TAB2: variants seen among roughly 807,000 people sequenced by gnomAD.
TAB2 encodes the protein TGF-beta activated kinase 1 (MAP3K7) binding protein 2, also known as TGF-beta-activated kinase 1 and MAP3K7-binding protein 2.
Under a neutral mutation model 65.0 loss-of-function variants are expected in TAB2, and 3 were observed. The observed-to-expected ratio is 0.05, with a 90% CI of 0.02 to 0.12. TAB2 has a LOEUF of 0.12. TAB2 is among the 10% of genes least tolerant of loss of function. The pLI, the probability that TAB2 is intolerant of heterozygous loss-of-function variation, is 1.00. For synonymous variants in TAB2, 298 were observed against 285.1 expected (o/e 1.05, Z -0.46); for missense variants, 623 against 840.3 (o/e 0.74, Z 3.20).
At chr6:149,273,187 T>C (rs1474844476) in intron 1 of TAB2, among the ~76,000 whole-genome samples, 1 of 152,150 alleles carries the variant, frequency 6.6e-6, no homozygotes, top group African/African-American at 2.4e-5. Context: ...AAAGCATTAT[T>C]CAGCCCAAAA....
intron 6 of TAB2, among the ~76,000 whole-genome samples, chr6:149,403,321 C>CATAT (rs1252306211): frequency 3.0e-5 from 2 of 65,664 alleles, no homozygotes; most frequent in African/African-American, 1.2e-4. Flanking sequence ...TATACACACA[C>CATAT]ATATATATAC....
intron 1 of TAB2, among the ~76,000 whole-genome samples, chr6:149,303,024 A>T (rs950161581): frequency 6.6e-6 from 1 of 152,228 alleles, no homozygotes; most frequent in African/African-American, 2.4e-5. Flanking sequence ...CTGCGCATGC[A>T]GGGGATCTAG....
chr6:149,241,199 T>A (rs1202242368), intron 1 of TAB2, among the ~76,000 whole-genome samples: 1 of 152,142 alleles, frequency 6.6e-6, no homozygotes, highest in Admixed American at 6.5e-5. Flanking sequence ...GAGGAATAAA[T>A]GACTATTGTT....
intron 1 of TAB2, among the ~76,000 whole-genome samples, chr6:149,254,004 AAG>A (rs1270174755): frequency 2.0e-4 from 29 of 148,230 alleles, no homozygotes; most frequent in African/African-American, 7.5e-4. Context: ...GAAAGAAAGA[AAG>A]AAAGAAAGAA....
At chr6:149,299,501 G>T (rs915790006) in intron 1 of TAB2, among the ~76,000 whole-genome samples, 1 of 152,320 alleles carries the variant, frequency 6.6e-6, no homozygotes, top group Non-Finnish European at 1.5e-5. Context: ...GAACCCAGGA[G>T]GGGGAGGCTG....
chr6:149,274,770 G>A (rs967882428), intron 1 of TAB2, among the ~76,000 whole-genome samples: 4 of 152,170 alleles, frequency 2.6e-5, no homozygotes, highest in Admixed American at 2.6e-4. Context: ...ATGCCAGAGT[G>A]GGGGCTGCAC....
At chr6:149,277,676 C>G (rs1389312051) in intron 1 of TAB2, among the ~76,000 whole-genome samples, 1 of 152,042 alleles carries the variant, frequency 6.6e-6, no homozygotes, top group African/African-American at 2.4e-5. Flanking sequence ...TTCAAAAAAT[C>G]AAATACATTT....
intron 1 of TAB2, among the ~76,000 whole-genome samples, chr6:149,326,271 C>CAAAAAAAAAAAAAAAAAA (rs59070515): frequency 8.0e-6 from 1 of 125,006 alleles, no homozygotes; most frequent in African/African-American, 3.0e-5. Flanking sequence ...GACCCCATCT[C>CAAAAAAAAAAAAAAAAAA]AAAAAAAAAA....
At chr6:149,249,172 A>ACG (rs1031490513) in intron 1 of TAB2, among the ~76,000 whole-genome samples, 12 of 7,816 alleles carry the variant, frequency 1.5e-3, no homozygotes, top group Middle Eastern at 0.045. Flanking sequence ...ACACACACGC[A>ACG]CACACACACA....
chr6:149,254,387 G>C (rs943863258), intron 1 of TAB2, among the ~76,000 whole-genome samples: 6 of 152,176 alleles, frequency 3.9e-5, no homozygotes, highest in African/African-American at 1.4e-4. Flanking sequence ...AAGCCAGTTT[G>C]AGTTAGCCTT....
At chr6:149,226,820 C>A (rs1338986208) in intron 1 of TAB2, among the ~76,000 whole-genome samples, 9 of 152,210 alleles carry the variant, frequency 5.9e-5, no homozygotes, top group African/African-American at 2.2e-4. Flanking sequence ...CTTAGAAAAG[C>A]AACATTCCAA....
chr6:149,400,872 T>G, intron 6 of TAB2: 2 of 622,016 alleles, frequency 3.2e-6, no homozygotes, highest in Non-Finnish European at 5.4e-6. Context: ...ACAAGCATAT[T>G]GCTTTTTTCT....
At chr6:149,237,459 G>A (rs1777515161) in intron 1 of TAB2, among the ~76,000 whole-genome samples, 1 of 152,180 alleles carries the variant, frequency 6.6e-6, no homozygotes, top group Non-Finnish European at 1.5e-5. Flanking sequence ...ATTGCACACA[G>A]GTGCACCATC....
At chr6:149,273,221 G>C (rs1778397143) in intron 1 of TAB2, among the ~76,000 whole-genome samples, 1 of 152,120 alleles carries the variant, frequency 6.6e-6, no homozygotes, top group Non-Finnish European at 1.5e-5. Flanking sequence ...CTCAATATTA[G>C]AGGTACATAG....
intron 1 of TAB2, among the ~76,000 whole-genome samples, chr6:149,222,456 A>G (rs963423350): frequency 2.3e-4 from 35 of 152,046 alleles, no homozygotes; most frequent in African/African-American, 8.4e-4. Flanking sequence ...TGTCCCTACT[A>G]AAAATATAAA....
Position 149,410,583 on chromosome 6 carries a change from A to G in TAB2, c.*864A>G, listed in dbSNP as rs1409495527. 1 of 152,666 alleles carries G rather than the reference A, an allele frequency of 6.6e-6. No homozygotes were observed. The allele number at this position is 152,666 out of a possible 1,614,324, so 9.5% of individuals were successfully genotyped here. A position where few individuals can be genotyped will look rare whatever the true frequency, so the allele number is the denominator to read the frequency against. On this transcript the variant is annotated 3_prime_UTR_variant, in exon 7 of 7. Transcript: ENST00000637181. Reference sequence around the variant, plus strand: ...TGCACAGAATAACTTTCCTCTACTTATTCTGTACTTTGCCCTCATGAGTTC... The same window carrying G: ...TGCACAGAATAACTTTCCTCTACTTGTTCTGTACTTTGCCCTCATGAGTTC...
chr6:149,349,189 G>A (rs896779015), intron 1 of TAB2, among the ~76,000 whole-genome samples: 2 of 151,806 alleles, frequency 1.3e-5, no homozygotes, highest in Admixed American at 6.6e-5. Flanking sequence ...GGGAGACTGA[G>A]GCGGGTTGAT....
At chr6:149,233,537 T>G (rs1777444023) in intron 1 of TAB2, among the ~76,000 whole-genome samples, 1 of 152,208 alleles carries the variant, frequency 6.6e-6, no homozygotes, top group African/African-American at 2.4e-5. Context: ...GAAGTGGTTT[T>G]TTATCCCTGA....
chr6:149,223,669 A>G (rs983159783), intron 1 of TAB2, among the ~76,000 whole-genome samples: 1 of 152,176 alleles, frequency 6.6e-6, no homozygotes, highest in Non-Finnish European at 1.5e-5. Flanking sequence ...GAGAGTTCTC[A>G]TGTTGTTTCA....
Sources: gnomAD v4.1 joint callset for allele counts (sites outside exome capture counted in the v4.1 genomes callset) on GRCh38, gnomAD v4.1.1 for gene constraint, MANE v1.5 for transcripts, NCBI Gene and HGNC (gene_info 2026-07-23, HGNC 2026-07-21) for gene names.